Variants in KCNJ6 observed in about 807,000 individuals in gnomAD.
The protein encoded by KCNJ6 is G protein-activated inward rectifier potassium channel 2.
In KCNJ6, 9 loss-of-function variants were observed where a neutral mutation model predicts 34.2. The observed-to-expected ratio is 0.26, with a 90% confidence interval of 0.16 to 0.46. The LOEUF (loss-of-function observed/expected upper bound fraction) is 0.46, where lower values mean the gene tolerates loss of function less well. Among genes scored for constraint, KCNJ6 ranks in the 20% least tolerant of loss-of-function variants. KCNJ6 has a pLI of 1.00. For missense variants in KCNJ6, 236 were observed against 531.3 expected (o/e 0.44, Z 5.46); for synonymous variants, 196 against 207.1 (o/e 0.95, Z 0.46).
chr21:37,808,607 C>T (rs545278504), intron 2 of KCNJ6, among the ~76,000 whole-genome samples: 5 of 152,264 alleles, frequency 3.3e-5, no homozygotes, highest in Non-Finnish European at 5.9e-5. Flanking sequence ...CTGCTTTAGG[C>T]CCTAGATATC....
chr21:37,674,645 C>T (rs540548508), intron 3 of KCNJ6, among the ~76,000 whole-genome samples: 2 of 151,560 alleles, frequency 1.3e-5, no homozygotes, highest in East Asian at 3.9e-4. Flanking sequence ...CTCCTCTCAC[C>T]CAGGATGGAT....
intron 2 of KCNJ6, among the ~76,000 whole-genome samples, chr21:37,828,630 C>T (rs908524223): frequency 2.6e-5 from 4 of 152,242 alleles, no homozygotes; most frequent in African/African-American, 7.2e-5. Flanking sequence ...AGTCCCGGTC[C>T]GGGAGAGGCC....
Position 37,774,006 on chromosome 21 carries a change from A to G in KCNJ6, c.26-58875T>C, listed in dbSNP as rs530108769. Among the ~76,000 whole-genome samples the G allele has an allele frequency of 4.6e-4, 70 of 152,200 alleles. 1 individual carries two copies. Among genetic ancestry groups the G allele is most frequent in the Non-Finnish European group, 2.1e-4 (14 of 68,008 alleles). On this transcript the variant is annotated intron_variant, in intron 2 of 3. Transcript: ENST00000609713. Reference sequence around the variant, plus strand: ...GTTTTTATCACATCATTCCCTCAAGAACTTAAAACTGCTCTCTACATCACA... The same window carrying G: ...GTTTTTATCACATCATTCCCTCAAGGACTTAAAACTGCTCTCTACATCACA...
At chr21:37,868,192 G>A (rs1470742897) in intron 1 of KCNJ6, among the ~76,000 whole-genome samples, 1 of 152,186 alleles carries the variant, frequency 6.6e-6, no homozygotes, top group African/African-American at 2.4e-5. Flanking sequence ...TGCAAACAAT[G>A]CAATAAATAC....
rs148842116 is a variant in KCNJ6, at chr21:37,714,989, G to T, written c.168C>A (p.Tyr56Ter). 1 of 1,614,042 alleles carries T rather than the reference G, an allele frequency of 6.2e-7. No individual in the cohort carries two copies. Among genetic ancestry groups the T allele is most frequent in the Non-Finnish European group, 8.5e-7 (1 of 1,180,056 alleles). The change falls in exon 3 of 4, where the codon TAC becomes TAA. Residue 56 changes from tyrosine (Y) to a stop codon, truncating the protein, a stop_gained. Coordinates refer to ENST00000609713, the MANE Select transcript of KCNJ6 (RefSeq NM_002240.5). LOFTEE classifies it high-confidence loss of function. This position sits in a 1 kb window ranked among gnomAD's most constrained non-coding sequence, Gnocchi z 5.9. ...RDRTKRKIQRYVRKDGKCNVH... is the reference protein window; with the variant it reads ...RDRTKRKIQR Reference sequence around the variant, plus strand: ...CATTGCACTTTCCGTCTTTCCTCACGTACCTCTGGATTTTCCTTTTGGTCC... The same window carrying T: ...CATTGCACTTTCCGTCTTTCCTCACTTACCTCTGGATTTTCCTTTTGGTCC...
chr21:37,802,541 T>C (rs1027290974), intron 2 of KCNJ6, among the ~76,000 whole-genome samples: 3 of 152,044 alleles, frequency 2.0e-5, no homozygotes, highest in African/African-American at 7.2e-5. Flanking sequence ...GCTTTGAAGA[T>C]GAAGAATCAG....
chr21:37,843,158 CA>C (rs1282940251), intron 1 of KCNJ6, among the ~76,000 whole-genome samples: 2 of 152,176 alleles, frequency 1.3e-5, no homozygotes, highest in Non-Finnish European at 2.9e-5. Context: ...GTGTGTGTGT[CA>C]CCACTTTATC....
At chr21:37,891,065 G>A (rs555628762) in intron 1 of KCNJ6, among the ~76,000 whole-genome samples, 13 of 152,290 alleles carry the variant, frequency 8.5e-5, no homozygotes, top group African/African-American at 2.6e-4. Flanking sequence ...CTAACTGTAC[G>A]ATGCTCACCT....
At chr21:37,881,919 A>G (rs892443460) in intron 1 of KCNJ6, among the ~76,000 whole-genome samples, 1 of 152,148 alleles carries the variant, frequency 6.6e-6, no homozygotes, top group Non-Finnish European at 1.5e-5. Flanking sequence ...GGGCAGTGCT[A>G]AGACCAACAG....
At chr21:37,871,883 A>G (rs201017446) in intron 1 of KCNJ6, among the ~76,000 whole-genome samples, 1 of 152,362 alleles carries the variant, frequency 6.6e-6, no homozygotes, top group East Asian at 1.9e-4. Flanking sequence ...TGATTCTTGG[A>G]CATTAGGCAG....
At chr21:37,796,855 G>A (rs1385065264) in intron 2 of KCNJ6, among the ~76,000 whole-genome samples, 5 of 139,630 alleles carry the variant, frequency 3.6e-5, no homozygotes, top group South Asian at 2.4e-4. Flanking sequence ...CTGCAGTGGC[G>A]CAACCTCGGC....
chr21:37,705,149 CCATAGTTGTCGGTG>C (rs2054713035), intron 3 of KCNJ6, among the ~76,000 whole-genome samples: 1 of 152,122 alleles, frequency 6.6e-6, no homozygotes, highest in Admixed American at 6.5e-5. Context: ...TATCATTGAG[CCATAGTTGTCGGTG>C]CATTAATGAA....
chr21:37,703,967 G>A (rs1256707595), intron 3 of KCNJ6, among the ~76,000 whole-genome samples: 4 of 152,234 alleles, frequency 2.6e-5, no homozygotes, highest in South Asian at 2.1e-4. Flanking sequence ...ACCCAGCCCC[G>A]CCTTGCCCTG....
At chr21:37,912,283 G>C (rs1483996383) in intron 1 of KCNJ6, among the ~76,000 whole-genome samples, 1 of 152,196 alleles carries the variant, frequency 6.6e-6, no homozygotes, top group African/African-American at 2.4e-5. Flanking sequence ...AAAGGGCATA[G>C]TGACACTTTG....
rs112989480 is a variant in KCNJ6, at chr21:37,854,649, C to T, written c.-27-13940G>A. The stretch of plus-strand genomic sequence containing the variant: ...TAGCTAGAAGAAAACTTGAAATGTT[C>T]CCAACACAAATGAATAATATATGTT... On this transcript the variant is annotated intron_variant, in intron 1 of 3. Coordinates refer to ENST00000609713, the MANE Select transcript of KCNJ6 (RefSeq NM_002240.5). Among the ~76,000 whole-genome samples the T allele has an allele frequency of 1.4e-3, 207 of 152,268 alleles. 1 individual carries two copies. Among genetic ancestry groups the T allele is most frequent in the African/African-American group, 4.8e-3 (200 of 41,566 alleles).
At chr21:37,777,681 G>A (rs539801500) in intron 2 of KCNJ6, among the ~76,000 whole-genome samples, 1 of 152,158 alleles carries the variant, frequency 6.6e-6, no homozygotes, top group Non-Finnish European at 1.5e-5. Context: ...ATAAAGTGGA[G>A]TTATTGGCCA....
At chr21:37,691,237 C>G (rs918442784) in intron 3 of KCNJ6, among the ~76,000 whole-genome samples, 9 of 152,214 alleles carry the variant, frequency 5.9e-5, no homozygotes, top group Non-Finnish European at 1.3e-4. Context: ...GCTAGGACAA[C>G]AATTTCCTGG....
chr21:37,869,351 C>T (rs2055638859), intron 1 of KCNJ6, among the ~76,000 whole-genome samples: 1 of 152,222 alleles, frequency 6.6e-6, no homozygotes, highest in African/African-American at 2.4e-5. Context: ...GGTAATAATT[C>T]ATAGAAATAA....
intron 2 of KCNJ6, among the ~76,000 whole-genome samples, chr21:37,764,365 A>G (rs1052592598): frequency 2.7e-5 from 4 of 150,624 alleles, no homozygotes; most frequent in African/African-American, 9.8e-5. Context: ...GATTGGAAGA[A>G]AAATTTGAAG....
Sources: gnomAD v4.1 joint callset for allele counts (sites outside exome capture counted in the v4.1 genomes callset) on GRCh38, gnomAD v4.1.1 for gene constraint, Gnocchi (gnomAD v3.1) non-coding constraint, MANE v1.5 for transcripts, NCBI Gene and HGNC (gene_info 2026-07-23, HGNC 2026-07-21) for gene names.